The following TAOK2 variants were observed in gnomAD, a reference collection of about 807,000 sequenced individuals.
TAOK2 encodes the protein TAO kinase 2.
TAOK2 carries 42 observed loss-of-function variants against 122.5 expected under a neutral mutation model. The ratio of observed to expected loss-of-function variants is 0.34; its 90% CI spans 0.27 to 0.44. TAOK2 has a LOEUF of 0.44. TAOK2 is among the 20% of genes least tolerant of loss of function. The pLI is 1.00. For missense variants in TAOK2, 1,264 were observed against 1,644.9 expected, an observed-to-expected ratio of 0.77 and a Z score of 4.01; for synonymous variants, 704 against 677.6, an observed-to-expected ratio of 1.04 and a Z score of -0.61.
chr16:29,985,635 TG>T lies in TAOK2; in HGVS notation c.1789-22del, dbSNP rs1567246820. ...TGGCGAGCCAGGTGGGTCCTGACCC[TG>T]CTTCCCTCTGCACTCGCCCAGGAGC... On this transcript the variant is annotated intron_variant, in intron 14 of 15. Coordinates refer to ENST00000308893, the MANE Select transcript of TAOK2 (RefSeq NM_016151.4). This position sits in a 1 kb window ranked among gnomAD's most constrained non-coding sequence, Gnocchi z 6.9. 1 of 1,610,232 alleles carries T rather than the reference TG, an allele frequency of 6.2e-7. No individual in the cohort carries two copies. Among genetic ancestry groups the T allele is most frequent in the Admixed American group, 1.7e-5 (1 of 59,806 alleles).
downstream of TAOK2, chr16:29,990,688 C>T: frequency 7.8e-7 from 1 of 1,275,752 alleles, no homozygotes; most frequent in Non-Finnish European, 1.1e-6. Flanking sequence ...GAGACCGCTG[C>T]TTCTTGAAAC....
downstream of TAOK2, chr16:29,989,675 T>A: frequency 6.2e-7 from 1 of 1,614,080 alleles, no homozygotes; most frequent in Non-Finnish European, 8.5e-7. Context: ...CGAGCACACT[T>A]GCTGGAGACC....
chr16:29,975,077 A>G (rs2069412497), intron 1 of TAOK2, among the ~76,000 whole-genome samples: 1 of 151,514 alleles, frequency 6.6e-6, no homozygotes, highest in Admixed American at 6.6e-5. Context: ...GTCTGGTTGG[A>G]TTTCTTGTCC....
intron 11 of TAOK2, 22 bp from the exon 12 acceptor site, chr16:29,983,050 G>A: frequency 1.2e-6 from 2 of 1,612,936 alleles, no homozygotes; most frequent in Non-Finnish European, 8.5e-7. Context: ...TCCCTGTCCA[G>A]CAGCCTACGC....
At position 29,977,867 on chromosome 16, in the gene TAOK2, G is replaced by A. The variant is rs1376172296; in HGVS notation, c.95G>A (p.Arg32Gln). ...CCAGAAAAGCTCTTCTCTGACCTCCGGGAAATTGGCCATGGCAGCTTTGGA... is the reference window on the plus strand; with the variant it reads ...CCAGAAAAGCTCTTCTCTGACCTCCAGGAAATTGGCCATGGCAGCTTTGGA... Reference protein sequence around the residue: ...DDPEKLFSDLREIGHGSFGAV... With the variant: ...DDPEKLFSDLQEIGHGSFGAV... Residue 32 changes from arginine (R) to glutamine (Q), a missense_variant, in exon 2 of 16, where the codon CGG becomes CAG. Arg to Gln is a conservative substitution (Grantham distance 43). Around this residue, in one of 4 missense-constraint regions of TAOK2, gnomAD observed 254 missense variants for 503.8 expected, o/e 0.50. Coordinates refer to ENST00000308893, the MANE Select transcript of TAOK2 (RefSeq NM_016151.4). The A allele has an allele frequency of 2.5e-6, 4 of 1,614,158 alleles. No individual in the cohort carries two copies. The highest frequency in any genetic ancestry group is 1.7e-5 in the Admixed American group (1 of 60,018).
chr16:29,974,973 C>T (rs2069409100), intron 1 of TAOK2, among the ~76,000 whole-genome samples: 1 of 152,162 alleles, frequency 6.6e-6, no homozygotes, highest in South Asian at 2.1e-4. Context: ...CACCTCTCCT[C>T]CCTGATATGT....
chr16:29,982,701 T>C (rs369057300), intron 10 of TAOK2, 33 bp from the exon 11 acceptor site: 37 of 1,593,782 alleles, frequency 2.3e-5, no homozygotes, highest in Non-Finnish European at 3.1e-5. Context: ...GGAAGGGGAG[T>C]TGGCAGCAGA....
intron 2 of TAOK2, 66 bp from the exon 3 acceptor site, chr16:29,978,023 G>A (rs2069507555): frequency 1.9e-6 from 3 of 1,611,134 alleles, no homozygotes; most frequent in Non-Finnish European, 2.5e-6. Flanking sequence ...CTCTTGCTGG[G>A]CCAGCAAGTC....
At position 29,979,611 on chromosome 16, in the gene TAOK2, C is replaced by G; in HGVS notation, c.655+103C>G. On this transcript the variant is annotated intron_variant, in intron 8 of 15. Coordinates refer to ENST00000308893, the MANE Select transcript of TAOK2 (RefSeq NM_016151.4). This position sits in a 1 kb window ranked among gnomAD's most constrained non-coding sequence, Gnocchi z 4.1. Reference sequence around the variant, plus strand: ...CTCCTAGGGATGGGATCCCAGGCCTCCAAGTTCCTGTCCGTTGTGACTCTA... The same window carrying G: ...CTCCTAGGGATGGGATCCCAGGCCTGCAAGTTCCTGTCCGTTGTGACTCTA... 1 of 963,012 alleles carries G rather than the reference C, an allele frequency of 1.0e-6. No individual in the cohort carries two copies. Among genetic ancestry groups the G allele is most frequent in the Non-Finnish European group, 1.5e-6 (1 of 668,950 alleles). 59.7% of individuals were successfully genotyped at this position (963,012 alleles called of 1,614,324 possible). A position where few individuals can be genotyped will look rare whatever the true frequency, so the allele number is the denominator to read the frequency against.
At chr16:29,980,745 C>T (rs2069587766) in intron 8 of TAOK2, 1 of 152,116 alleles carries the variant, frequency 6.6e-6, no homozygotes, top group East Asian at 1.9e-4. Flanking sequence ...CATTTTATTT[C>T]TAGTTTTTGG....
chr16:29,983,042 C>T (rs374152243), intron 11 of TAOK2, 30 bp from the exon 12 acceptor site: 183 of 1,612,512 alleles, frequency 1.1e-4, no homozygotes, highest in Non-Finnish European at 1.4e-4. Flanking sequence ...CTTCCCCTTC[C>T]CTGTCCAGCA....
At chr16:29,988,475 C>T (rs2069885750), downstream of TAOK2, 7 of 1,222,266 alleles carry the variant, frequency 5.7e-6, no homozygotes, top group South Asian at 8.6e-5. Context: ...TGACCCTCGG[C>T]CCGGCTCCAT....
chr16:29,985,809 A>C lies in TAOK2; in HGVS notation c.1940A>C (p.Lys647Thr). ...QYFELQCRQY[K>T]RKMLLARHSL... ...TTTGAGCTGCAGTGTCGCCAGTACA[A>C]GCGCAAGATGTTGCTGGCTCGGCAC... The change falls in exon 15 of 16, where the codon AAG (lysine) becomes ACG (threonine). Residue 647 changes from lysine (K) to threonine (T), a missense_variant. Coordinates refer to ENST00000308893, the MANE Select transcript of TAOK2 (RefSeq NM_016151.4). The surrounding 1 kb of genome is among the most constrained non-coding windows in gnomAD (Gnocchi z 6.9). 1 of 1,611,972 alleles carries C rather than the reference A, an allele frequency of 6.2e-7. No homozygotes were observed. The highest frequency in any genetic ancestry group is 8.5e-7 in the Non-Finnish European group (1 of 1,179,898).
At chr16:29,990,539 T>C (rs944434921), downstream of TAOK2, 8 of 349,706 alleles carry the variant, frequency 2.3e-5, no homozygotes, top group African/African-American at 8.4e-5. Flanking sequence ...TGGTGGACAT[T>C]TAGGTTGTTT....
At chr16:29,978,416 C>G in intron 4 of TAOK2, 63 bp downstream of exon 4, 1 of 1,543,994 alleles carries the variant, frequency 6.5e-7, no homozygotes, top group Non-Finnish European at 9.0e-7. Context: ...TTATCGTAGT[C>G]CAGTCTCTTA....
chr16:29,977,423 C>T (rs1026841078), intron 1 of TAOK2, among the ~76,000 whole-genome samples: 25 of 152,146 alleles, frequency 1.6e-4, no homozygotes, highest in African/African-American at 5.3e-4. Flanking sequence ...ATGTTTTATC[C>T]TTGAGGGGAG....
Position 29,986,007 on chromosome 16 carries a change from A to C in TAOK2, c.1992+146A>C. ...TGCTTCAGTGCCCCTTTTACTTCTC[A>C]TCCCCAACAGACCCTGCCAGAATTT... On this transcript the variant is annotated intron_variant, in intron 15 of 15. Transcript: ENST00000308893. The surrounding 1 kb of genome is among the most constrained non-coding windows in gnomAD (Gnocchi z 4.2). 8.8e-7 allele frequency: 1 copy of C among 1,140,892 alleles called. No individual in the cohort carries two copies. The highest frequency in any genetic ancestry group is 1.2e-6 in the Non-Finnish European group (1 of 810,414). The allele number at this position is 1,140,892 out of a possible 1,614,324, so 70.7% of individuals were successfully genotyped here.
In TAOK2 at chr16:29,978,976, C is replaced by T; in HGVS notation, c.355C>T (p.His119Tyr). The change falls in exon 6 of 16, where the codon CAC (histidine) becomes TAC (tyrosine). Residue 119 changes from histidine to tyrosine, a missense_variant and splice_region_variant. His to Tyr is a moderately conservative substitution (Grantham distance 83, BLOSUM62 2). Coordinates refer to ENST00000308893, the MANE Select transcript of TAOK2 (RefSeq NM_016151.4). Reference sequence around the variant, plus strand: ...TGATGTTCTTCCTCACTCTCCAGTGCACAAGAAACCCCTTCAGGAGGTAGA... The same window carrying T: ...TGATGTTCTTCCTCACTCTCCAGTGTACAAGAAACCCCTTCAGGAGGTAGA... ...LGSASDLLEV[H>Y]KKPLQEVEIA... 2 of 1,614,174 alleles carry T rather than the reference C, an allele frequency of 1.2e-6. No individual in the cohort carries two copies. Among genetic ancestry groups the T allele is most frequent in the Admixed American group, 1.7e-5 (1 of 60,028 alleles).
At chr16:29,991,759 C>G (rs2069974367), downstream of TAOK2, 1 of 630,508 alleles carries the variant, frequency 1.6e-6, no homozygotes, top group South Asian at 5.3e-5. This position sits in a 1 kb window ranked among gnomAD's most constrained non-coding sequence, Gnocchi z 5.6. Context: ...CGATAGGTGC[C>G]TCAAGGCTGC....
Sources: allele counts gnomAD v4.1 joint callset (sites outside exome capture counted in the v4.1 genomes callset), GRCh38; gene constraint gnomAD v4.1.1; regional missense constraint gnomAD v4.1.1; non-coding constraint Gnocchi (gnomAD v3.1); transcripts MANE v1.5; gene names NCBI Gene and HGNC (gene_info 2026-07-23, HGNC 2026-07-21).